YAP1: variants seen among roughly 807,000 people sequenced by gnomAD.
YAP1 encodes transcriptional coactivator YAP1.
Under a neutral mutation model 56.9 loss-of-function variants are expected in YAP1, and 5 were observed. The ratio of observed to expected loss-of-function variants is 0.09; its 90% confidence interval spans 0.05 to 0.18. The LOEUF is 0.18. Among genes scored for constraint, YAP1 ranks in the 10% least tolerant of loss-of-function variants. The pLI, the probability that YAP1 is intolerant of heterozygous loss-of-function variation, is 1.00. For synonymous variants in YAP1, 265 were observed against 248.1 expected, an observed-to-expected ratio of 1.07 and a Z score of -0.64; for missense variants, 539 against 651.8, an observed-to-expected ratio of 0.83 and a Z score of 1.88.
At chr11:102,185,841 G>T (rs1947916046) in intron 3 of YAP1, among the ~76,000 whole-genome samples, 177 bp from the exon 4 acceptor site, 1 of 152,054 alleles carries the variant, frequency 6.6e-6, no homozygotes, top group Non-Finnish European at 1.5e-5. Context: ...TTTCTTTTTA[G>T]TGGAGAAGAA....
chr11:102,195,943 C>G (rs983543472), intron 4 of YAP1, among the ~76,000 whole-genome samples: 1 of 152,032 alleles, frequency 6.6e-6, no homozygotes, highest in African/African-American at 2.4e-5. Context: ...GTGAACTGTC[C>G]CCACATATTG....
chr11:102,113,794 A>G (rs887564800), intron 1 of YAP1, among the ~76,000 whole-genome samples: 1 of 152,150 alleles, frequency 6.6e-6, no homozygotes, highest in East Asian at 1.9e-4. Context: ...AAAAGCACCC[A>G]TAACTGCACT....
At chr11:102,197,197 G>A (rs1948617365) in intron 4 of YAP1, among the ~76,000 whole-genome samples, 1 of 152,168 alleles carries the variant, frequency 6.6e-6, no homozygotes, top group Non-Finnish European at 1.5e-5. Flanking sequence ...TCTTCTAAAT[G>A]TTTTGAACAA....
intron 2 of YAP1, among the ~76,000 whole-genome samples, chr11:102,117,637 T>C (rs1435707111): frequency 1.3e-5 from 2 of 152,182 alleles, no homozygotes; most frequent in African/African-American, 4.8e-5. Context: ...AAGCCCTCCT[T>C]AGGTCAGTGA....
At position 102,225,635 on chromosome 11, in the gene YAP1, C is replaced by G. The variant is rs1258178154; in HGVS notation, c.1164-1834C>G. Among the ~76,000 whole-genome samples the G allele has an allele frequency of 2.0e-5, 3 of 152,272 alleles. No individual in the cohort carries two copies. The East Asian group carries it at 5.8e-4, about 29-fold the overall frequency. The stretch of plus-strand genomic sequence containing the variant: ...TAGTAATGCTGAGTTCCCTTAGTTC[C>G]CTTTTACTTTTACCCTCAAAGCTCA... On this transcript the variant is annotated intron_variant, in intron 7 of 8. Transcript: ENST00000282441.
chr11:102,129,141 C>G (rs1293160382), intron 2 of YAP1, among the ~76,000 whole-genome samples: 2 of 152,136 alleles, frequency 1.3e-5, no homozygotes, highest in Non-Finnish European at 2.9e-5. Flanking sequence ...TGAGTTTTAT[C>G]TCAGTTTCTC....
At position 102,184,002 on chromosome 11, in the gene YAP1, G is replaced by A. The variant is rs1455771487; in HGVS notation, c.689-2016G>A. Among the ~76,000 whole-genome samples the A allele has an allele frequency of 2.0e-5, 3 of 149,950 alleles. No individual in the cohort carries two copies. In the South Asian group the frequency reaches 6.3e-4, roughly 32 times the overall value. ...GGAGGCAGGAGAATGGCGTGAACCC[G>A]GGAGGCGGAGCTTGCAGTGAGCCGA... On this transcript the variant is annotated intron_variant, in intron 3 of 8. Coordinates refer to ENST00000282441, the MANE Select transcript of YAP1 (RefSeq NM_001130145.3).
At chr11:102,143,892 T>C (rs922354458) in intron 2 of YAP1, among the ~76,000 whole-genome samples, 1 of 152,374 alleles carries the variant, frequency 6.6e-6, no homozygotes, top group African/African-American at 2.4e-5. Flanking sequence ...ACTGTCCTGC[T>C]TGGAATTTCC....
chr11:102,216,325 A>G (rs967238859), intron 6 of YAP1, among the ~76,000 whole-genome samples: 7 of 152,342 alleles, frequency 4.6e-5, no homozygotes, highest in Middle Eastern at 3.4e-3. Context: ...AGGGTTATCT[A>G]GACATTTTGC....
intron 2 of YAP1, among the ~76,000 whole-genome samples, chr11:102,127,644 G>C (rs1410224332): frequency 2.0e-5 from 3 of 152,198 alleles, no homozygotes; most frequent in East Asian, 3.9e-4. Flanking sequence ...CCCCCACACA[G>C]AGTCCCCACT....
intron 3 of YAP1, among the ~76,000 whole-genome samples, chr11:102,175,479 G>A (rs983361062): frequency 4.6e-5 from 7 of 151,996 alleles, no homozygotes; most frequent in Admixed American, 2.6e-4. Flanking sequence ...TCCCATATTC[G>A]GCTTATCAAA....
intron 2 of YAP1, among the ~76,000 whole-genome samples, chr11:102,127,739 GCTC>G (rs1400341271): frequency 6.6e-6 from 1 of 152,182 alleles, no homozygotes; most frequent in Non-Finnish European, 1.5e-5. Context: ...CTTGCATCGT[GCTC>G]CTGGAAAAGC....
At chr11:102,123,258 A>G (rs1450941301) in intron 2 of YAP1, among the ~76,000 whole-genome samples, 2 of 151,922 alleles carry the variant, frequency 1.3e-5, no homozygotes, top group African/African-American at 4.8e-5. Flanking sequence ...TTTTGCCGTG[A>G]TTTTTTGTTT....
At chr11:102,125,456 A>G (rs943879940) in intron 2 of YAP1, among the ~76,000 whole-genome samples, 3 of 146,576 alleles carry the variant, frequency 2.0e-5, no homozygotes, top group African/African-American at 7.7e-5. Context: ...GGCTCACTGC[A>G]GCCTCCGCCT....
chr11:102,169,577 C>A (rs559289719), intron 3 of YAP1, among the ~76,000 whole-genome samples: 63 of 152,290 alleles, frequency 4.1e-4, no homozygotes, highest in Non-Finnish European at 7.4e-4. Context: ...GTGTATTTGA[C>A]TAGTTACTCT....
At chr11:102,164,120 C>T (rs1347768512) in intron 3 of YAP1, among the ~76,000 whole-genome samples, 2 of 151,784 alleles carry the variant, frequency 1.3e-5, no homozygotes, top group African/African-American at 2.4e-5. Context: ...TCACTGCAAC[C>T]TCTGCCTCCC....
intron 2 of YAP1, among the ~76,000 whole-genome samples, chr11:102,140,600 T>G (rs550961727): frequency 4.6e-5 from 7 of 152,232 alleles, no homozygotes; most frequent in African/African-American, 1.4e-4. Flanking sequence ...ATCCCAGCAC[T>G]TTGGGAGGCC....
At position 102,229,987 on chromosome 11, in the gene YAP1, A is replaced by T. The variant is rs774491232; in HGVS notation, c.*47A>T. The T allele has an allele frequency of 5.3e-6, 8 of 1,523,310 alleles. No homozygotes were observed. The highest frequency in any genetic ancestry group is 7.2e-6 in the Non-Finnish European group (8 of 1,107,642). The allele number at this position is 1,523,310 out of a possible 1,614,324, so 94.4% of individuals were successfully genotyped here. A position where few individuals can be genotyped will look rare whatever the true frequency, so the allele number is the denominator to read the frequency against. ...CTAAATCTGTGAAGGATCTAAGGAG[A>T]CACATGCACCGGAAATTTCCATAAG... On this transcript the variant is annotated 3_prime_UTR_variant, in exon 9 of 9. Coordinates refer to ENST00000282441, the MANE Select transcript of YAP1 (RefSeq NM_001130145.3).
At chr11:102,150,130 A>G (rs990303946) in intron 2 of YAP1, among the ~76,000 whole-genome samples, 40 of 151,758 alleles carry the variant, frequency 2.6e-4, no homozygotes, top group Admixed American at 2.6e-3. Context: ...GATTACAGGC[A>G]TGTGCCACCA....
Sources: allele counts gnomAD v4.1 joint callset (sites outside exome capture counted in the v4.1 genomes callset), GRCh38; gene constraint gnomAD v4.1.1; transcripts MANE v1.5; gene names NCBI Gene and HGNC (gene_info 2026-07-23, HGNC 2026-07-21).